Variants in ADD1 observed in about 807,000 individuals in gnomAD.
The protein encoded by ADD1 is adducin 1, also known as alpha-adducin.
ADD1 carries 24 observed loss-of-function variants against 80.5 expected under a neutral mutation model. The ratio of observed to expected loss-of-function variants is 0.30; its 90% CI spans 0.22 to 0.42. The LOEUF (loss-of-function observed/expected upper bound fraction) is 0.42. Ranked by LOEUF, ADD1 falls within the 10% of genes least tolerant of loss-of-function variation. The pLI, the probability that ADD1 is intolerant of heterozygous loss-of-function variation, is 1.00. For synonymous variants in ADD1, 373 were observed against 393.8 expected, an observed-to-expected ratio of 0.95 and a Z score of 0.63; for missense variants, 948 against 1,019.0, an observed-to-expected ratio of 0.93 and a Z score of 0.95.
intron 1 of ADD1, among the ~76,000 whole-genome samples, chr4:2,865,087 TA>T (rs1729349717): frequency 6.6e-6 from 1 of 152,180 alleles, no homozygotes; most frequent in African/African-American, 2.4e-5. Context: ...TGCATTTCTT[TA>T]TGCAAATAGA....
At chr4:2,920,040 C>G (rs1441051112) in intron 14 of ADD1, among the ~76,000 whole-genome samples, 1 of 152,142 alleles carries the variant, frequency 6.6e-6, no homozygotes, top group African/African-American at 2.4e-5. Context: ...TACGCTTTGT[C>G]TTTGTTCTCA....
Position 2,928,738 on chromosome 4 carries a change from A to G in ADD1, c.*215A>G. 1.9e-6 allele frequency: 1 copy of G among 526,700 alleles called. No homozygotes were observed. The highest frequency in any genetic ancestry group is 3.4e-5 in the East Asian group (1 of 29,540). 32.6% of individuals were successfully genotyped at this position (526,700 alleles called of 1,614,324 possible). On this transcript the variant is annotated 3_prime_UTR_variant, in exon 16 of 16. Transcript: ENST00000683351. ...CTGCCCCTTGTCCTCTCAGAGCCTCAGCTTCTGGGGGAGACATGCTCTCCC... is the reference window on the plus strand; with the variant it reads ...CTGCCCCTTGTCCTCTCAGAGCCTCGGCTTCTGGGGGAGACATGCTCTCCC...
chr4:2,884,692 G>T, intron 4 of ADD1, 26 bp downstream of exon 4: 1 of 1,551,118 alleles, frequency 6.4e-7, no homozygotes, highest in South Asian at 1.2e-5. Context: ...GCTAGTAACT[G>T]AACGATAAAT....
intron 3 of ADD1, among the ~76,000 whole-genome samples, chr4:2,883,991 CCTTT>C (rs1178562491): frequency 6.6e-6 from 1 of 152,118 alleles, no homozygotes; most frequent in African/African-American, 2.4e-5. Context: ...GTTTCTATCT[CCTTT>C]CTTTTGTTAA....
chr4:2,891,362 G>A (rs578137329), intron 4 of ADD1, among the ~76,000 whole-genome samples: 7 of 152,096 alleles, frequency 4.6e-5, no homozygotes, highest in African/African-American at 1.4e-4. Flanking sequence ...CAGGAGAATC[G>A]CTTGAACCCG....
chr4:2,874,927 T>C (rs1676740201), intron 1 of ADD1, among the ~76,000 whole-genome samples: 1 of 152,118 alleles, frequency 6.6e-6, no homozygotes, highest in South Asian at 2.1e-4. Context: ...AGGTGGTTCA[T>C]ATGCACATTT....
intron 9 of ADD1, chr4:2,901,918 CTCTT>C (rs745626774): frequency 2.0e-5 from 3 of 146,886 alleles, no homozygotes; most frequent in Non-Finnish European, 3.0e-5. Context: ...TATATATTTT[CTCTT>C]TCTTTTTTTT....
chr4:2,893,842 AG>A (rs1258638549), intron 4 of ADD1, among the ~76,000 whole-genome samples, 170 bp from the exon 5 acceptor site: 1 of 152,204 alleles, frequency 6.6e-6, no homozygotes. Context: ...TTAGTACAGT[AG>A]AATAATGGAA....
chr4:2,870,296 A>G (rs1730226861), intron 1 of ADD1, among the ~76,000 whole-genome samples: 1 of 152,264 alleles, frequency 6.6e-6, no homozygotes, highest in Non-Finnish European at 1.5e-5. Flanking sequence ...CTGCTAAGAA[A>G]GAATATTCCA....
Position 2,843,918 on chromosome 4 carries a change from C to G in ADD1, c.-127C>G, listed in dbSNP as rs963709863. On this transcript the variant is annotated 5_prime_UTR_variant, in exon 1 of 16. Coordinates refer to ENST00000683351, the MANE Select transcript of ADD1 (RefSeq NM_001354761.2). ...TGAGGGGCGGAGAGGCCTGGCGGGCCGCTGCTGCGGGCCAGGGGACGGGGG... is the reference window on the plus strand; with the variant it reads ...TGAGGGGCGGAGAGGCCTGGCGGGCGGCTGCTGCGGGCCAGGGGACGGGGG... 60 of 152,616 alleles carry G rather than the reference C, an allele frequency of 3.9e-4. No homozygotes were observed. Among genetic ancestry groups the G allele is most frequent in the African/African-American group, 1.3e-3 (54 of 41,454 alleles). The allele number at this position is 152,616 out of a possible 1,614,324, so 9.5% of individuals were successfully genotyped here.
intron 14 of ADD1, among the ~76,000 whole-genome samples, chr4:2,925,813 A>C (rs1030940101): frequency 7.2e-5 from 11 of 152,226 alleles, no homozygotes. Flanking sequence ...AAGTTGGTTA[A>C]GTTTCTCTGA....
chr4:2,879,980 G>T (rs1018859858), intron 2 of ADD1, among the ~76,000 whole-genome samples: 2 of 152,192 alleles, frequency 1.3e-5, no homozygotes, highest in Non-Finnish European at 2.9e-5. Flanking sequence ...CTCCCAAAGT[G>T]CTGGAAGTTA....
rs557130730 is a variant in ADD1 at position 2,883,103 on chromosome 4, C to G, written c.358+1043C>G. On this transcript the variant is annotated intron_variant, in intron 3 of 15. Coordinates refer to ENST00000683351, the MANE Select transcript of ADD1 (RefSeq NM_001354761.2). ...TCTCAAACTCCTGACCACAAGTGATCCACTCGCCTCAGCCTCCCTAAGTGC... is the reference window on the plus strand; with the variant it reads ...TCTCAAACTCCTGACCACAAGTGATGCACTCGCCTCAGCCTCCCTAAGTGC... 2.0e-5 allele frequency among the ~76,000 whole-genome samples: 3 copies of G among 152,212 alleles called. No homozygotes were observed. The East Asian group carries it at 5.8e-4, about 29-fold the overall frequency.
At chr4:2,885,547 T>C (rs1308663213) in intron 4 of ADD1, among the ~76,000 whole-genome samples, 6 of 152,182 alleles carry the variant, frequency 3.9e-5, no homozygotes, top group Middle Eastern at 3.2e-3. Flanking sequence ...CCACCTGTTA[T>C]AATGTCTTGC....
At chr4:2,880,124 C>A (rs1453113990) in intron 2 of ADD1, among the ~76,000 whole-genome samples, 1 of 152,084 alleles carries the variant, frequency 6.6e-6, no homozygotes, top group Admixed American at 6.6e-5. Flanking sequence ...TTATTTCTTG[C>A]TTGCAGTCAG....
chr4:2,910,667 G>T (rs1577683247), intron 13 of ADD1, among the ~76,000 whole-genome samples: 2 of 152,160 alleles, frequency 1.3e-5, no homozygotes, highest in South Asian at 4.1e-4. Flanking sequence ...AGCAGCCTGG[G>T]TCGCCGTGTT....
Position 2,881,020 on chromosome 4 carries a change from T to C in ADD1, c.196-878T>C, listed in dbSNP as rs186288586. ...AAGGATAAAGTAGAATATGAAAAAT[T>C]ACTAATAATCCTATCACTAAAAGGA... On this transcript the variant is annotated intron_variant, in intron 2 of 15. Transcript: ENST00000683351. Among the ~76,000 whole-genome samples the C allele has an allele frequency of 2.0e-4, 31 of 151,468 alleles. 1 individual carries two copies. In the East Asian group the frequency reaches 6.0e-3, roughly 29 times the overall value.
intron 1 of ADD1, among the ~76,000 whole-genome samples, chr4:2,851,172 C>T (rs773733625): frequency 2.0e-5 from 3 of 152,098 alleles, no homozygotes; most frequent in East Asian, 1.9e-4. Flanking sequence ...CCTCAGCCTC[C>T]GGAATAGCTA....
chr4:2,859,046 C>T lies in ADD1; in HGVS notation c.-21+15022C>T, dbSNP rs950763420. ...AAGTCAAAACCTGCATCATTGGGCC[C>T]TGCGCCTCTATGTCTGTGGGGAGAA... On this transcript the variant is annotated intron_variant, in intron 1 of 15. Coordinates refer to ENST00000683351, the MANE Select transcript of ADD1 (RefSeq NM_001354761.2). Among the ~76,000 whole-genome samples the T allele has an allele frequency of 5.9e-5, 9 of 152,134 alleles. No homozygotes were observed. The East Asian group carries it at 1.3e-3, about 23-fold the overall frequency.
Sources: gnomAD v4.1 joint callset for allele counts (sites outside exome capture counted in the v4.1 genomes callset) on GRCh38, gnomAD v4.1.1 for gene constraint, MANE v1.5 for transcripts, NCBI Gene and HGNC (gene_info 2026-07-23, HGNC 2026-07-21) for gene names.